Variants in LAMB1 observed in about 807,000 individuals in gnomAD.
LAMB1 encodes laminin subunit beta-1.
LAMB1 carries 121 observed loss-of-function variants against 222.3 expected under a neutral mutation model. The ratio of observed to expected loss-of-function variants is 0.54; its 90% CI spans 0.47 to 0.63. LAMB1 has a LOEUF of 0.63. LAMB1 is among the 30% of genes least tolerant of loss of function. The pLI, the probability that LAMB1 is intolerant of heterozygous loss-of-function variation, is 0.00. For missense variants in LAMB1, 2,172 were observed against 2,240.8 expected (o/e 0.97, Z 0.62); for synonymous variants, 794 against 807.2 (o/e 0.98, Z 0.28).
At chr7:108,002,018 G>T (rs1416105508) in intron 2 of LAMB1, 1 of 1,445,982 alleles carries the variant, frequency 6.9e-7, no homozygotes, top group East Asian at 2.5e-5. Flanking sequence ...CGCCCACCCT[G>T]ATCAGCCCCG....
chr7:107,926,293 C>G lies in LAMB1; in HGVS notation c.4954G>C (p.Glu1652Gln). ...CGCTTAAGTTCTTCCACATTCCTCT[C>G]TAACTCGCTGATGCGCTGGGACGCG... ...FNASQRISEL[E>Q]RNVEELKRKA... The change falls in exon 32 of 34, where the codon GAG becomes CAG. Residue 1652 changes from glutamate to glutamine, a missense_variant. Coordinates refer to ENST00000222399, the MANE Select transcript of LAMB1 (RefSeq NM_002291.3). 1 of 1,614,048 alleles carries G rather than the reference C, an allele frequency of 6.2e-7. No individual in the cohort carries two copies. Among genetic ancestry groups the G allele is most frequent in the Non-Finnish European group, 8.5e-7 (1 of 1,179,918 alleles).
chr7:108,001,713 G>A lies in LAMB1; in HGVS notation c.58C>T (p.Arg20Cys). ...TAGCTGAACTCGGGTTCCTGAGCGC[G>A]CACTCGGGCTCTGCACAGGGCTGCG... ...SFLALCRARV[R>C]AQEPEFSYGC... Residue 20 changes from arginine (R) to cysteine (C), a missense_variant, in exon 3 of 34, where the codon CGC becomes TGC. Physicochemically the swap from Arg to Cys is radical, Grantham distance 180 (BLOSUM62 -3). Transcript: ENST00000222399. The A allele has an allele frequency of 6.2e-7, 1 of 1,612,800 alleles. No individual in the cohort carries two copies. Among genetic ancestry groups the A allele is most frequent in the Non-Finnish European group, 8.5e-7 (1 of 1,179,818 alleles).
chr7:107,935,270 T>A (rs2116337068), intron 27 of LAMB1, 145 bp downstream of exon 27: 1 of 1,264,652 alleles, frequency 7.9e-7, no homozygotes, highest in African/African-American at 1.5e-5. Flanking sequence ...TCCAGAGACC[T>A]CAGCCTAGGA....
chr7:107,970,488 C>CAA lies in LAMB1; in HGVS notation c.1562+2502_1562+2503dup, dbSNP rs78303178. 5.9e-3 allele frequency among the ~76,000 whole-genome samples: 253 copies of CAA among 43,102 alleles called. 5 individuals are homozygous for CAA. Among genetic ancestry groups the CAA allele is most frequent in the African/African-American group, 0.016 (242 of 14,906 alleles). The allele number at this position is 43,102 out of a possible 152,430, so 28.3% of individuals were successfully genotyped here. A position where few individuals can be genotyped will look rare whatever the true frequency, so the allele number is the denominator to read the frequency against. On this transcript the variant is annotated intron_variant, in intron 13 of 33. Transcript: ENST00000222399. ...TAGGTGACAAAGCGAAACTCTGTCT[C>CAA]AAAAAAAAAAAAAAAAAGGGGGGGG...
intron 12 of LAMB1, among the ~76,000 whole-genome samples, chr7:107,973,283 C>T (rs995520774): frequency 1.3e-5 from 2 of 152,178 alleles, no homozygotes; most frequent in Non-Finnish European, 2.9e-5. Flanking sequence ...ATCACAGGAT[C>T]GTGCCAGGTC....
At chr7:107,964,424 G>T in intron 14 of LAMB1, 128 bp downstream of exon 14, 2 of 1,099,872 alleles carry the variant, frequency 1.8e-6, no homozygotes, top group African/African-American at 1.6e-5. Flanking sequence ...GCATGGTCCT[G>T]ATCCTTATTT....
chr7:107,961,970 G>A (rs2033514492), intron 15 of LAMB1, among the ~76,000 whole-genome samples: 1 of 152,082 alleles, frequency 6.6e-6, no homozygotes. Context: ...ATAGCTTCCT[G>A]TGAATATTAT....
chr7:107,991,444 G>A (rs111593671), intron 5 of LAMB1, among the ~76,000 whole-genome samples: 7,636 of 152,044 alleles, frequency 0.05, 247 homozygotes, highest in African/African-American at 0.087. Flanking sequence ...AAAAGTAGCC[G>A]GGTGTGGTGG....
chr7:107,939,888 A>C, intron 25 of LAMB1, 101 bp downstream of exon 25: 3 of 1,377,962 alleles, frequency 2.2e-6, no homozygotes, highest in Non-Finnish European at 3.0e-6. Context: ...CAGGACTAAC[A>C]AAACCTCCTG....
rs767073659 is a variant in LAMB1, at chr7:108,001,767, C to CCCA, written c.38-35_38-34insTGG. 8.7e-6 allele frequency: 14 copies of CCCA among 1,606,914 alleles called. No homozygotes were observed. In the East Asian group the frequency reaches 2.9e-4, roughly 33 times the overall value. On this transcript the variant is annotated intron_variant, in intron 2 of 33. Transcript: ENST00000222399. ...AGGACAGGCAACAGAGTTGGGGGGA[C>CCCA]ACAAGCAGGGAGTGGAGCCCGAAAA...
intron 17 of LAMB1, 42 bp from the exon 18 acceptor site, chr7:107,960,691 C>T: frequency 1.3e-6 from 2 of 1,556,802 alleles, no homozygotes; most frequent in Non-Finnish European, 1.8e-6. Flanking sequence ...TACAGTGGTG[C>T]CCCATGGCAT....
intron 2 of LAMB1, chr7:108,002,059 T>A: frequency 2.7e-6 from 4 of 1,457,882 alleles, no homozygotes; most frequent in Admixed American, 4.8e-5. Context: ...AGGGTGGATG[T>A]GTAGACCCTC....
intron 24 of LAMB1, among the ~76,000 whole-genome samples, chr7:107,940,823 C>G (rs2032963745): frequency 6.6e-6 from 1 of 152,200 alleles, no homozygotes; most frequent in African/African-American, 2.4e-5. Context: ...TCCCCACAGA[C>G]CATGTCTGTA....
chr7:108,000,557 T>G (rs1329143137), intron 3 of LAMB1, among the ~76,000 whole-genome samples: 5 of 152,238 alleles, frequency 3.3e-5, no homozygotes, highest in African/African-American at 1.2e-4. Context: ...TTAAAAAAAT[T>G]TTTTGAGACA....
At position 107,973,462 on chromosome 7, in the gene LAMB1, T is replaced by C. The variant is rs193134283; in HGVS notation, c.1483-391A>G. The stretch of plus-strand genomic sequence containing the variant: ...TCAGTTCAGTCTGTCATCAATCCCA[T>C]ACAGAAAGCCCTCCAAGAATTTATG... On this transcript the variant is annotated intron_variant, in intron 12 of 33. Transcript: ENST00000222399. Among the ~76,000 whole-genome samples the C allele has an allele frequency of 2.8e-4, 42 of 152,212 alleles. No individual in the cohort carries two copies. In the East Asian group the frequency reaches 7.3e-3, roughly 27 times the overall value.
At position 107,960,492 on chromosome 7, in the gene LAMB1, C is replaced by T. The variant is rs1404867577; in HGVS notation, c.2267G>A (p.Arg756Lys). Reference protein sequence around the residue: ...VVKTPMTDVCRNIIFSISALL... With the variant: ...VVKTPMTDVCKNIIFSISALL... The stretch of plus-strand genomic sequence containing the variant: ...GGCAGAAATGCTAAAGATGATGTTT[C>T]TGCAAACATCTGTCATCGGTGTTTT... Residue 756 changes from arginine to lysine, a missense_variant, in exon 18 of 34, where the codon AGA becomes AAA. Arg to Lys is a conservative substitution (Grantham distance 26). Coordinates refer to ENST00000222399, the MANE Select transcript of LAMB1 (RefSeq NM_002291.3). 4 of 1,614,174 alleles carry T rather than the reference C, an allele frequency of 2.5e-6. No homozygotes were observed. Among genetic ancestry groups the T allele is most frequent in the East Asian group, 2.2e-5 (1 of 44,884 alleles).
intron 27 of LAMB1, 103 bp downstream of exon 27, chr7:107,935,312 T>C (rs2032814761): frequency 3.3e-6 from 5 of 1,500,552 alleles, no homozygotes; most frequent in African/African-American, 1.4e-5. Context: ...TTGCAAATTA[T>C]TGTAATAATG....
chr7:107,986,558 C>T (rs1280084772), intron 5 of LAMB1, among the ~76,000 whole-genome samples, 195 bp from the exon 6 acceptor site: 1 of 152,130 alleles, frequency 6.6e-6, no homozygotes, highest in East Asian at 1.9e-4. Context: ...AATGTCTAAC[C>T]TCTAAAATGT....
chr7:107,961,538 G>C lies in LAMB1; in HGVS notation c.1985+11C>G, dbSNP rs192349543. 3,812 of 1,609,198 alleles carry C rather than the reference G, an allele frequency of 2.4e-3. 11 individuals carry two copies. The highest frequency in any genetic ancestry group is 2.7e-3 in the Non-Finnish European group (3,177 of 1,176,102). ...AAGCCCGTTGAGCTGCCAAACCACC[G>C]TCACACTGACCTTGAGCCTGGTGAT... On this transcript the variant is annotated intron_variant, in intron 16 of 33. Coordinates refer to ENST00000222399, the MANE Select transcript of LAMB1 (RefSeq NM_002291.3).
Sources: gnomAD v4.1 joint callset for allele counts (sites outside exome capture counted in the v4.1 genomes callset) on GRCh38, gnomAD v4.1.1 for gene constraint, MANE v1.5 for transcripts, NCBI Gene and HGNC (gene_info 2026-07-23, HGNC 2026-07-21) for gene names.